The following SOS1 variants were observed in gnomAD, a reference collection of about 807,000 sequenced individuals.
The protein encoded by SOS1 is SOS Ras/Rac guanine nucleotide exchange factor 1.
A neutral mutation model predicts 157.6 loss-of-function variants in SOS1; 25 were observed. The observed-to-expected ratio is 0.16, with a 90% CI of 0.12 to 0.22. The LOEUF (loss-of-function observed/expected upper bound fraction) is 0.22, where lower values mean the gene tolerates loss of function less well. Ranked by LOEUF, SOS1 falls within the 10% of genes least tolerant of loss-of-function variation. The pLI, the probability that SOS1 is intolerant of heterozygous loss-of-function variation, is 1.00. For synonymous variants in SOS1, 528 were observed against 534.0 expected, an observed-to-expected ratio of 0.99 and a Z score of 0.16; for missense variants, 1,237 against 1,599.1, an observed-to-expected ratio of 0.77 and a Z score of 3.86.
chr2:39,096,751 TG>T (rs1160187204), intron 1 of SOS1, among the ~76,000 whole-genome samples: 2 of 152,070 alleles, frequency 1.3e-5, no homozygotes, highest in African/African-American at 4.8e-5. Flanking sequence ...CCGGATGTGG[TG>T]GCGGGCGCCT....
At chr2:39,061,266 A>G (rs1671390816) in intron 2 of SOS1, among the ~76,000 whole-genome samples, 1 of 151,922 alleles carries the variant, frequency 6.6e-6, no homozygotes, top group African/African-American at 2.4e-5. Flanking sequence ...AAAAAAAAAA[A>G]AAAAGGTGTT....
intron 6 of SOS1, among the ~76,000 whole-genome samples, chr2:39,049,535 T>C (rs1372800125): frequency 6.6e-6 from 1 of 152,242 alleles, no homozygotes; most frequent in Non-Finnish European, 1.5e-5. Context: ...ATGTCTATTA[T>C]ACAAAATCAA....
chr2:39,120,064 C>A (rs957798911), intron 1 of SOS1, among the ~76,000 whole-genome samples: 4 of 152,154 alleles, frequency 2.6e-5, no homozygotes, highest in African/African-American at 9.7e-5. Flanking sequence ...CTGTTGTTGT[C>A]CTGGAATCAA....
At chr2:39,122,686 T>C (rs556282176), upstream of SOS1, among the ~76,000 whole-genome samples, 51 of 152,144 alleles carry the variant, frequency 3.4e-4, no homozygotes, top group Non-Finnish European at 6.9e-4. Context: ...GCTGGAATTA[T>C]AGGCGCCTGC....
intron 1 of SOS1, among the ~76,000 whole-genome samples, chr2:39,096,612 A>G (rs1672773634): frequency 6.6e-6 from 1 of 152,166 alleles, no homozygotes; most frequent in Admixed American, 6.6e-5. Context: ...CTGGCCGGGC[A>G]CGGTGGTCCA....
chr2:39,054,614 A>G lies in SOS1; in HGVS notation c.720T>C (p.Asn240=), dbSNP rs779699814. ...FVSNSKLFSA[N]DVENIFSRIV... ...GAGGCATATATACAATGATACTTACATTAGCTGAAAACAATTTTGAATTGG... is the reference window on the plus strand; with the variant it reads ...GAGGCATATATACAATGATACTTACGTTAGCTGAAAACAATTTTGAATTGG... The change falls in exon 5 of 23, where the codon AAT becomes AAC. Residue 240 remains asparagine (N), a splice_region_variant and synonymous_variant. Coordinates refer to ENST00000402219, the MANE Select transcript of SOS1 (RefSeq NM_005633.4). 3.3e-6 allele frequency: 5 copies of G among 1,524,074 alleles called. No individual in the cohort carries two copies. Among genetic ancestry groups the G allele is most frequent in the Admixed American group, 1.7e-5 (1 of 59,858 alleles). The allele number at this position is 1,524,074 out of a possible 1,614,324, so 94.4% of individuals were successfully genotyped here.
chr2:39,025,892 T>C (rs1669944812), intron 8 of SOS1, among the ~76,000 whole-genome samples: 1 of 152,232 alleles, frequency 6.6e-6, no homozygotes, highest in African/African-American at 2.4e-5. Flanking sequence ...TTACTTAAAA[T>C]ACTTTAATGG....
intron 1 of SOS1, among the ~76,000 whole-genome samples, chr2:39,083,066 T>C (rs951591824): frequency 6.6e-6 from 1 of 152,172 alleles, no homozygotes. Flanking sequence ...TTTGTTTATA[T>C]AAATAGGCAG....
intron 17 of SOS1, among the ~76,000 whole-genome samples, chr2:39,005,021 T>C (rs763797798): frequency 2.6e-5 from 4 of 152,204 alleles, no homozygotes; most frequent in Admixed American, 6.5e-5. Flanking sequence ...TTTTAACCTA[T>C]GTATAGTAGT....
intron 15 of SOS1, 91 bp downstream of exon 15, chr2:39,010,493 C>T (rs891963040): frequency 1.6e-6 from 2 of 1,240,788 alleles, no homozygotes; most frequent in Non-Finnish European, 2.4e-6. Context: ...CAGAGCAAAA[C>T]TCCGTCTCAA....
intron 17 of SOS1, among the ~76,000 whole-genome samples, chr2:39,000,281 T>C (rs947109116): frequency 6.6e-6 from 1 of 152,192 alleles, no homozygotes; most frequent in African/African-American, 2.4e-5. Context: ...CAAACTTTGA[T>C]CTTACACTGC....
intron 1 of SOS1, among the ~76,000 whole-genome samples, chr2:39,119,562 AAT>A (rs1387436972): frequency 1.3e-5 from 2 of 152,234 alleles, no homozygotes; most frequent in African/African-American, 4.8e-5. Context: ...AGAAAACAAA[AAT>A]AGTCTGGTTG....
At chr2:38,997,567 A>G (rs1188524583) in intron 17 of SOS1, 142 bp from the exon 18 acceptor site, 1 of 578,456 alleles carries the variant, frequency 1.7e-6, no homozygotes, top group African/African-American at 1.9e-5. Context: ...CATGATATGA[A>G]AACAGCAGCT....
intron 8 of SOS1, among the ~76,000 whole-genome samples, chr2:39,026,362 A>G (rs1558476412): frequency 3.1e-5 from 1 of 32,162 alleles, no homozygotes; most frequent in East Asian, 6.6e-4. Flanking sequence ...CTCAAAAAAA[A>G]AAAAAAAAAA....
chr2:38,991,556 G>A (rs1268504848), intron 20 of SOS1, among the ~76,000 whole-genome samples: 1 of 152,156 alleles, frequency 6.6e-6, no homozygotes, highest in Non-Finnish European at 1.5e-5. Context: ...CTCAGCAACT[G>A]TCGTCATCAC....
intron 17 of SOS1, among the ~76,000 whole-genome samples, chr2:39,002,635 T>G (rs1669141314): frequency 6.6e-6 from 1 of 152,246 alleles, no homozygotes; most frequent in African/African-American, 2.4e-5. Flanking sequence ...ACAGATTGAA[T>G]GACATACCGT....
At chr2:38,998,850 C>G (rs1558461629) in intron 17 of SOS1, among the ~76,000 whole-genome samples, 1 of 152,172 alleles carries the variant, frequency 6.6e-6, no homozygotes, top group Non-Finnish European at 1.5e-5. Context: ...TGTACGGATT[C>G]TCTGCTGTAA....
intron 3 of SOS1, among the ~76,000 whole-genome samples, chr2:39,057,136 A>C (rs1671240868): frequency 6.6e-6 from 1 of 152,198 alleles, no homozygotes; most frequent in East Asian, 1.9e-4. Flanking sequence ...TAACCTATAA[A>C]GGAAGGCCCA....
At chr2:38,999,915 G>C (rs1379442142) in intron 17 of SOS1, among the ~76,000 whole-genome samples, 1 of 152,182 alleles carries the variant, frequency 6.6e-6, no homozygotes, top group Non-Finnish European at 1.5e-5. Context: ...ATTACTCTAG[G>C]TGTACTATGA....
Sources: gnomAD v4.1 joint callset for allele counts (sites outside exome capture counted in the v4.1 genomes callset) on GRCh38, gnomAD v4.1.1 for gene constraint, MANE v1.5 for transcripts, NCBI Gene and HGNC (gene_info 2026-07-23, HGNC 2026-07-21) for gene names.